Variants in WDFY4 observed in about 807,000 individuals in gnomAD.
WDFY4 encodes the protein WDFY family member 4.
In WDFY4, 169 loss-of-function variants were observed where a neutral mutation model predicts 351.9. The observed-to-expected ratio is 0.48, with a 90% CI of 0.42 to 0.55. The LOEUF (loss-of-function observed/expected upper bound fraction) is 0.55. Among genes scored for constraint, WDFY4 ranks in the 20% least tolerant of loss-of-function variants. The pLI is 0.00. For missense variants in WDFY4, 3,803 were observed against 3,935.6 expected (o/e 0.97, Z 0.90); for synonymous variants, 1,622 against 1,574.6 (o/e 1.03, Z -0.71).
Position 48,790,796 on chromosome 10 carries a change from T to C in WDFY4, c.4136T>C (p.Leu1379Pro). The C allele has an allele frequency of 6.4e-7, 1 of 1,551,798 alleles. No individual in the cohort carries two copies. Among genetic ancestry groups the C allele is most frequent in the Non-Finnish European group, 8.7e-7 (1 of 1,147,014 alleles). ...LDFIGGPAIL[L>P]GLISLATDDH... ...TTCATTGGCGGGCCTGCCATCCTCC[T>C]GGGCCTCATCTCCTTAGCGACAGAT... Residue 1379 changes from leucine to proline, a missense_variant, in exon 23 of 62, where the codon CTG becomes CCG. By Grantham distance (98) the Leu-to-Pro change is moderately conservative. This residue lies in a region of WDFY4 where 3,054 missense variants were observed against 3,148.6 expected (regional missense o/e 0.97). Transcript: ENST00000325239.
chr10:48,868,074 G>A (rs1039018681), intron 40 of WDFY4, among the ~76,000 whole-genome samples: 1 of 152,296 alleles, frequency 6.6e-6, no homozygotes, highest in Non-Finnish European at 1.5e-5. Flanking sequence ...CCATTAGTGT[G>A]TCCTGGGTGG....
At position 48,795,514 on chromosome 10, in the gene WDFY4, TATATATATACATATATATATACAC is replaced by T. The variant is rs1362518626; in HGVS notation, c.4258-782_4258-759del. Among the ~76,000 whole-genome samples the T allele has an allele frequency of 4.3e-3, 438 of 101,430 alleles. 20 individuals carry two copies. The highest frequency in any genetic ancestry group is 0.019 in the African/African-American group (418 of 21,450). The allele number at this position is 101,430 out of a possible 152,430, so 66.5% of individuals were successfully genotyped here. On this transcript the variant is annotated intron_variant, in intron 23 of 61. Transcript: ENST00000325239. Reference sequence around the variant, plus strand: ...CTGTATATATATATATATATATATATATATATATACATATATATATACACACACATGAATAGTCTGGAAAGATAT... The same window carrying T: ...CTGTATATATATATATATATATATATACACATGAATAGTCTGGAAAGATAT...
At position 48,982,643 on chromosome 10, in the gene WDFY4, C is replaced by A; in HGVS notation, c.*68C>A. 1 of 1,481,736 alleles carries A rather than the reference C, an allele frequency of 6.7e-7. No homozygotes were observed. The highest frequency in any genetic ancestry group is 1.2e-5 in the South Asian group (1 of 82,262). 91.8% of individuals were successfully genotyped at this position (1,481,736 alleles called of 1,614,324 possible). On this transcript the variant is annotated 3_prime_UTR_variant, in exon 62 of 62. Transcript: ENST00000325239. ...TGAGGGTGGCAGAGGTGACTGGGGC[C>A]TGAGCTCTGCCTACAGAAGAAACCC...
intron 45 of WDFY4, among the ~76,000 whole-genome samples, chr10:48,898,122 C>A (rs1363741469): frequency 6.6e-6 from 1 of 152,178 alleles, no homozygotes; most frequent in Non-Finnish European, 1.5e-5. Flanking sequence ...CTCACCCATG[C>A]CTTCAAGGGC....
chr10:48,836,838 C>T lies in WDFY4; in HGVS notation c.6663+4129C>T, dbSNP rs746309847. ...GGCAACTCAGGGTGCAGGCCACTTT[C>T]TCATGTCCACCATCTGCCTGGAGAA... On this transcript the variant is annotated intron_variant, in intron 39 of 61. Coordinates refer to ENST00000325239, the MANE Select transcript of WDFY4 (RefSeq NM_001394531.1). Among the ~76,000 whole-genome samples the T allele has an allele frequency of 5.1e-4, 77 of 152,260 alleles. No individual in the cohort carries two copies. The Middle Eastern group carries it at 0.01, about 20-fold the overall frequency.
At chr10:48,764,705 AC>A (rs2065613919) in intron 13 of WDFY4, among the ~76,000 whole-genome samples, 2 of 152,266 alleles carry the variant, frequency 1.3e-5, no homozygotes, top group African/African-American at 4.8e-5. Flanking sequence ...TTGGAGCCAG[AC>A]TGTGTAGCTG....
At chr10:48,936,851 A>G (rs1564510034) in intron 47 of WDFY4, among the ~76,000 whole-genome samples, 1 of 151,296 alleles carries the variant, frequency 6.6e-6, no homozygotes, top group Admixed American at 6.6e-5. Flanking sequence ...AAAAAAAAAA[A>G]GAAAAAAAAA....
intron 35 of WDFY4, among the ~76,000 whole-genome samples, chr10:48,826,313 A>G (rs1470904517): frequency 6.6e-6 from 1 of 152,166 alleles, no homozygotes; most frequent in Non-Finnish European, 1.5e-5. Context: ...CTATTGGTCT[A>G]TGCGTCTGTT....
At chr10:48,708,100 G>A (rs1371806039) in intron 1 of WDFY4, among the ~76,000 whole-genome samples, 4 of 152,214 alleles carry the variant, frequency 2.6e-5, no homozygotes, top group Admixed American at 1.3e-4. Context: ...CTGGGTATGG[G>A]CAAGCATTAT....
chr10:48,746,741 AT>A (rs762283682), intron 12 of WDFY4, among the ~76,000 whole-genome samples: 20 of 152,218 alleles, frequency 1.3e-4, no homozygotes, highest in Non-Finnish European at 2.5e-4. Flanking sequence ...CCTAGAGTGA[AT>A]TAACAGGCAT....
intron 43 of WDFY4, chr10:48,884,315 C>T (rs2070370380): frequency 6.6e-6 from 1 of 152,152 alleles, no homozygotes; most frequent in African/African-American, 2.4e-5. Flanking sequence ...CAGTAACTTC[C>T]TGTCTTTCTG....
intron 47 of WDFY4, among the ~76,000 whole-genome samples, chr10:48,938,191 A>C (rs1840513602): frequency 1.3e-5 from 2 of 152,390 alleles, no homozygotes; most frequent in East Asian, 3.9e-4. Flanking sequence ...CTGTTTTTGC[A>C]AATAGGCAAC....
chr10:48,765,518 T>G (rs954429498), intron 13 of WDFY4, among the ~76,000 whole-genome samples: 1 of 152,232 alleles, frequency 6.6e-6, no homozygotes, highest in African/African-American at 2.4e-5. Context: ...ATGGTGCAGC[T>G]ACTATCATCA....
chr10:48,715,238 G>C (rs897874540), intron 2 of WDFY4, among the ~76,000 whole-genome samples: 2 of 152,220 alleles, frequency 1.3e-5, no homozygotes, highest in East Asian at 3.9e-4. Flanking sequence ...GCACAGAAAA[G>C]GTGTCCCTGC....
chr10:48,759,263 G>A (rs1337048826), intron 12 of WDFY4, among the ~76,000 whole-genome samples: 1 of 152,140 alleles, frequency 6.6e-6, no homozygotes, highest in East Asian at 1.9e-4. Context: ...TCAGCCCAGA[G>A]GTTAATATAC....
In WDFY4 at chr10:48,699,580, C is replaced by T. The variant is rs145293883; in HGVS notation, c.-17-10136C>T. Among the ~76,000 whole-genome samples, 117 of 152,272 alleles carry T rather than the reference C, an allele frequency of 7.7e-4. 1 individual carries two copies. Among genetic ancestry groups the T allele is most frequent in the Non-Finnish European group, 1.5e-3 (103 of 68,024 alleles). On this transcript the variant is annotated intron_variant, in intron 1 of 61. Coordinates refer to ENST00000325239, the MANE Select transcript of WDFY4 (RefSeq NM_001394531.1). The stretch of plus-strand genomic sequence containing the variant: ...CTCAGTGAGTTGCAGGCTCCTGCTC[C>T]CAGCCTCAGTTTCCTCATCTGAAAA...
intron 44 of WDFY4, among the ~76,000 whole-genome samples, chr10:48,894,466 AG>A (rs1278279582): frequency 6.6e-6 from 1 of 152,232 alleles, no homozygotes; most frequent in East Asian, 1.9e-4. Flanking sequence ...ACCTTGGAAA[AG>A]TCTCACCTCT....
chr10:48,959,198 G>T (rs1464398377), intron 52 of WDFY4, among the ~76,000 whole-genome samples: 1 of 152,140 alleles, frequency 6.6e-6, no homozygotes, highest in Non-Finnish European at 1.5e-5. Flanking sequence ...CTACTGTCAG[G>T]GGAATCTCTG....
At chr10:48,783,240 T>C (rs1700603790) in intron 19 of WDFY4, among the ~76,000 whole-genome samples, 1 of 152,198 alleles carries the variant, frequency 6.6e-6, no homozygotes, top group African/African-American at 2.4e-5. Flanking sequence ...AAATAATAGA[T>C]GCATACCCTC....
Sources: gnomAD v4.1 joint callset for allele counts (sites outside exome capture counted in the v4.1 genomes callset) on GRCh38, gnomAD v4.1.1 for gene constraint, gnomAD v4.1.1 regional missense constraint, MANE v1.5 for transcripts, NCBI Gene and HGNC (gene_info 2026-07-23, HGNC 2026-07-21) for gene names.